EDA: variants seen among roughly 807,000 people sequenced by gnomAD.
The protein encoded by EDA is ectodysplasin A.
EDA carries 2 observed loss-of-function variants against 23.6 expected under a neutral mutation model. That is an observed-to-expected ratio of 0.08 (90% CI 0.03 to 0.27). The LOEUF (loss-of-function observed/expected upper bound fraction) is 0.27, where lower values mean the gene tolerates loss of function less well. EDA is among the 10% of genes least tolerant of loss of function. The probability of loss-of-function intolerance (pLI) is 1.00; values close to 1 mark genes in which losing one functional copy is unlikely to be tolerated. For synonymous variants in EDA, 131 were observed against 132.0 expected, an observed-to-expected ratio of 0.99 and a Z score of 0.05; for missense variants, 229 against 324.2, an observed-to-expected ratio of 0.71 and a Z score of 2.26.
chrX:69,987,312 A>T (rs922269219), intron 2 of EDA, among the ~76,000 whole-genome samples: 22 of 86,485 alleles, frequency 2.5e-4, no homozygotes, highest in Admixed American at 1.2e-3. Context: ...TTTTTTTTTT[A>T]AAAATAAATA....
At chrX:69,924,411 A>ATTAAACAGGGAGTCATTT (rs200515762) in intron 1 of EDA, among the ~76,000 whole-genome samples, 1 of 109,382 alleles carries the variant, frequency 9.1e-6, no homozygotes, top group African/African-American at 3.3e-5. Context: ...AACACAATTT[A>ATTAAACAGGGAGTCATTT]TCCCATTGCC....
chrX:69,667,148 C>T (rs1181790603), intron 1 of EDA, among the ~76,000 whole-genome samples: 5 of 90,697 alleles, frequency 5.5e-5, no homozygotes, highest in Non-Finnish European at 1.0e-4. Context: ...AATGGAGTCT[C>T]GCTCTGTCGC....
chrX:69,929,706 T>G (rs4844200), intron 1 of EDA, among the ~76,000 whole-genome samples: 6,386 of 84,336 alleles, frequency 0.076, 334 homozygotes, highest in South Asian at 0.091. Flanking sequence ...CATTCTATTT[T>G]TGTGTGTGTG....
chrX:69,781,583 G>C (rs1021886167), intron 1 of EDA, among the ~76,000 whole-genome samples: 6 of 111,632 alleles, frequency 5.4e-5, no homozygotes, highest in African/African-American at 1.9e-4. Context: ...GCTGCTAGAG[G>C]TATTGTTATA....
At chrX:70,022,035 CTG>C (rs2020041041) in intron 2 of EDA, among the ~76,000 whole-genome samples, 1 of 111,414 alleles carries the variant, frequency 9.0e-6, no homozygotes, top group South Asian at 3.8e-4. Flanking sequence ...TAATGTATAA[CTG>C]TGTCTTCATG....
At position 69,841,979 on chromosome X, in the gene EDA, A is replaced by G. The variant is rs778144991; in HGVS notation, c.397-115048A>G. Among the ~76,000 whole-genome samples the G allele has an allele frequency of 6.2e-5, 7 of 112,400 alleles. No individual in the cohort carries two copies. In the South Asian group the frequency reaches 1.1e-3, roughly 18 times the overall value. ...CTGCTTCTTAACTTTGGGAAGACAG[A>G]AAAATATTTCTGCTATCTACTATAT... On this transcript the variant is annotated intron_variant, in intron 1 of 7. Transcript: ENST00000374552.
At chrX:69,650,534 A>G (rs1933071594) in intron 1 of EDA, among the ~76,000 whole-genome samples, 1 of 111,783 alleles carries the variant, frequency 8.9e-6, no homozygotes, top group Non-Finnish European at 1.9e-5. Context: ...TATCATTAAC[A>G]ATAATTGATT....
chrX:69,846,821 G>T (rs2017018491), intron 1 of EDA, among the ~76,000 whole-genome samples: 1 of 111,698 alleles, frequency 9.0e-6, no homozygotes, highest in Non-Finnish European at 1.9e-5. Context: ...GACTCCTTCG[G>T]TGTACTAAAA....
chrX:70,021,599 T>TA (rs1023421868), intron 2 of EDA, among the ~76,000 whole-genome samples: 45 of 108,401 alleles, frequency 4.2e-4, no homozygotes, highest in African/African-American at 1.2e-3. Context: ...GCAATGCTGT[T>TA]AAAAAAAAAA....
intron 1 of EDA, among the ~76,000 whole-genome samples, chrX:69,789,893 A>G (rs931998352): frequency 2.7e-5 from 3 of 112,111 alleles, no homozygotes; most frequent in Admixed American, 1.9e-4. Context: ...GCAGAGAGGC[A>G]CTTTGTAATT....
chrX:70,020,558 CAA>C (rs555853182), intron 2 of EDA, among the ~76,000 whole-genome samples: 54 of 75,922 alleles, frequency 7.1e-4, no homozygotes, highest in African/African-American at 6.3e-4. Context: ...GACTCCGTCT[CAA>C]AAAAAAAAAA....
intron 1 of EDA, among the ~76,000 whole-genome samples, chrX:69,662,915 T>C (rs1933560362): frequency 8.9e-6 from 1 of 111,920 alleles, no homozygotes; most frequent in African/African-American, 3.2e-5. Flanking sequence ...AACTTTGAAC[T>C]TGAGAAAATT....
At chrX:69,729,409 C>A (rs1203692991) in intron 1 of EDA, among the ~76,000 whole-genome samples, 1 of 111,410 alleles carries the variant, frequency 9.0e-6, no homozygotes, top group East Asian at 2.8e-4. Flanking sequence ...ATAGCCAACC[C>A]CTTAGCCATT....
At chrX:69,860,848 C>T in intron 1 of EDA, 4 of 524,495 alleles carry the variant, frequency 7.6e-6, no homozygotes, top group Non-Finnish European at 1.4e-5. Context: ...TTCTCCCCAT[C>T]TCTTTCAGGG....
Position 69,891,126 on chromosome X carries a change from T to C in EDA, c.397-65901T>C, listed in dbSNP as rs761413311. On this transcript the variant is annotated intron_variant, in intron 1 of 7. Coordinates refer to ENST00000374552, the MANE Select transcript of EDA (RefSeq NM_001399.5). ...AGACATATATGTGGCCAAAAACATATGAACAAAAGCTCAACATCACTGATC... is the reference window on the plus strand; with the variant it reads ...AGACATATATGTGGCCAAAAACATACGAACAAAAGCTCAACATCACTGATC... Among the ~76,000 whole-genome samples the C allele has an allele frequency of 4.5e-5, 5 of 111,592 alleles. No individual in the cohort carries two copies. In the South Asian group the frequency reaches 1.9e-3, roughly 42 times the overall value.
At chrX:69,982,539 C>G (rs1025909029) in intron 2 of EDA, among the ~76,000 whole-genome samples, 1 of 111,624 alleles carries the variant, frequency 9.0e-6, no homozygotes, top group African/African-American at 3.3e-5. Flanking sequence ...GGTTTATTCC[C>G]TAAATTATTG....
chrX:69,722,764 CTCTT>C (rs1405879506), intron 1 of EDA, among the ~76,000 whole-genome samples: 2 of 111,332 alleles, frequency 1.8e-5, no homozygotes, highest in Non-Finnish European at 3.8e-5. Flanking sequence ...TCACCTCTGC[CTCTT>C]TCTATGTGTG....
chrX:69,849,905 T>A (rs1355341368), intron 1 of EDA, among the ~76,000 whole-genome samples: 2 of 112,061 alleles, frequency 1.8e-5, no homozygotes, highest in African/African-American at 6.5e-5. Flanking sequence ...AGGCAACCAG[T>A]GTGAAAATCA....
intron 1 of EDA, among the ~76,000 whole-genome samples, chrX:69,781,054 C>T (rs1425182199): frequency 9.0e-6 from 1 of 111,682 alleles, no homozygotes; most frequent in African/African-American, 3.2e-5. Flanking sequence ...AAAGTTCATC[C>T]ATGTTGTAGT....
Sources: allele counts gnomAD v4.1 joint callset (sites outside exome capture counted in the v4.1 genomes callset), GRCh38; gene constraint gnomAD v4.1.1; transcripts MANE v1.5; gene names NCBI Gene and HGNC (gene_info 2026-07-23, HGNC 2026-07-21).